The following MED16 variants were observed in gnomAD, a reference collection of about 807,000 sequenced individuals.
MED16 encodes the protein mediator complex subunit 16.
In MED16, 81 loss-of-function variants were observed where a neutral mutation model predicts 84.4. The observed-to-expected ratio is 0.96, with a 90% CI of 0.80 to 1.15. MED16 has a LOEUF of 1.15. MED16 is among the 50% of genes most tolerant of loss of function. The pLI is 0.00. For missense variants in MED16, 1,585 were observed against 1,245.9 expected, an observed-to-expected ratio of 1.27 and a Z score of -4.10; for synonymous variants, 897 against 552.2, an observed-to-expected ratio of 1.62 and a Z score of -8.76.
At chr19:877,635 C>A (rs1034115340) in intron 8 of MED16, among the ~76,000 whole-genome samples, 4 of 101,898 alleles carry the variant, frequency 3.9e-5, no homozygotes, top group East Asian at 2.0e-4. Flanking sequence ...CTCCCTCTGG[C>A]ACCCTCCCAG....
At chr19:889,050 G>GC (rs2036579014) in intron 4 of MED16, among the ~76,000 whole-genome samples, 4 of 116,816 alleles carry the variant, frequency 3.4e-5, no homozygotes, top group Non-Finnish European at 5.5e-5. Context: ...ACTCTTAACT[G>GC]TCCCCCCCAA....
intron 8 of MED16, among the ~76,000 whole-genome samples, chr19:877,848 A>G (rs1365892937): frequency 1.4e-4 from 19 of 134,766 alleles, no homozygotes; most frequent in Non-Finnish European, 2.9e-4. Flanking sequence ...CACCAAGCCC[A>G]GCCCCACATG....
Position 880,055 on chromosome 19 carries a change from C to G in MED16, c.1235G>C (p.Arg412Thr). 1.2e-6 allele frequency: 2 copies of G among 1,611,292 alleles called. No homozygotes were observed. Among genetic ancestry groups the G allele is most frequent in the Non-Finnish European group, 1.7e-6 (2 of 1,179,400 alleles). Residue 412 changes from arginine (R) to threonine (T), a missense_variant, in exon 8 of 16, where the codon AGG becomes ACG. Physicochemically the swap from Arg to Thr is moderately conservative, Grantham distance 71 (BLOSUM62 -1). Coordinates refer to ENST00000325464, the MANE Select transcript of MED16 (RefSeq NM_005481.3). ...CTTCATGGCCGGCTCATCCACAGGC[C>G]TCGGGGCCGCGGAGCTGTAGAAGAC... Reference protein sequence around the residue: ...MAVFYSSAAPRPVDEPAMKRP... With the variant: ...MAVFYSSAAPTPVDEPAMKRP...
At chr19:878,797 C>G (rs1377801983) in intron 8 of MED16, among the ~76,000 whole-genome samples, 1 of 150,352 alleles carries the variant, frequency 6.7e-6, no homozygotes, top group Non-Finnish European at 1.5e-5. Flanking sequence ...CCACCAGCCC[C>G]AGCCCCACGT....
At chr19:885,137 C>T (rs1198031306) in intron 5 of MED16, 129 bp from the exon 6 acceptor site, 13 of 672,744 alleles carry the variant, frequency 1.9e-5, no homozygotes, top group East Asian at 2.7e-5. Flanking sequence ...GCCTGCCCCT[C>T]GGGCCCTCCT....
At chr19:884,182 C>T (rs1007586715) in intron 6 of MED16, among the ~76,000 whole-genome samples, 1 of 152,196 alleles carries the variant, frequency 6.6e-6, no homozygotes, top group African/African-American at 2.4e-5. Flanking sequence ...ACCGGGAAAA[C>T]ATCTCCCTTC....
rs575501816 is a variant in MED16 at position 877,225 on chromosome 19, C to T, written c.1354-45G>A. 1.5e-4 allele frequency: 229 copies of T among 1,552,248 alleles called. 2 individuals are homozygous for T. In the South Asian group the frequency reaches 1.5e-3, roughly 10 times the overall value. The stretch of plus-strand genomic sequence containing the variant: ...AGGAGAGCCCGGTGAGATGGGGCTG[C>T]GCCCTCAGCCGGGAGAGGAATGGGG... On this transcript the variant is annotated intron_variant, in intron 8 of 15. Coordinates refer to ENST00000325464, the MANE Select transcript of MED16 (RefSeq NM_005481.3).
chr19:876,089 C>G (rs2036222657), intron 9 of MED16, among the ~76,000 whole-genome samples: 1 of 152,212 alleles, frequency 6.6e-6, no homozygotes, highest in South Asian at 2.1e-4. Flanking sequence ...CCTCGCAGCC[C>G]CCGCCTGGGT....
At chr19:868,779 T>C in intron 14 of MED16, 84 bp downstream of exon 14, 1 of 1,407,938 alleles carries the variant, frequency 7.1e-7, no homozygotes, top group Non-Finnish European at 9.6e-7. Flanking sequence ...CTTGACCGTC[T>C]GGAGCGCTGG....
At chr19:888,158 C>T (rs983366599) in intron 4 of MED16, among the ~76,000 whole-genome samples, 3 of 151,548 alleles carry the variant, frequency 2.0e-5, no homozygotes, top group African/African-American at 4.9e-5. Flanking sequence ...GAGCCGAGAT[C>T]GCGCCACTAC....
chr19:873,426 C>T lies in MED16; in HGVS notation c.1905+23G>A, dbSNP rs374612868. On this transcript the variant is annotated intron_variant, in intron 11 of 15. Transcript: ENST00000325464. ...ATGGGGGCCCAGGTGGGGGGCGGGG[C>T]CTTAGGGGAGAGCATGGCGCACCTG... 9.0e-4 allele frequency: 1,436 copies of T among 1,601,220 alleles called. 1 individual carries two copies. The highest frequency in any genetic ancestry group is 8.2e-4 in the Non-Finnish European group (968 of 1,178,798).
At chr19:870,590 G>A (rs997498117) in intron 13 of MED16, among the ~76,000 whole-genome samples, 12 of 151,332 alleles carry the variant, frequency 7.9e-5, no homozygotes, top group African/African-American at 2.2e-4. Context: ...AAAAGGGAGA[G>A]GGTGAATGGA....
chr19:885,235 C>G (rs1487888223), intron 5 of MED16, among the ~76,000 whole-genome samples: 1 of 152,194 alleles, frequency 6.6e-6, no homozygotes, highest in East Asian at 1.9e-4. Context: ...ACAGGGACAG[C>G]AAAGGGACAC....
chr19:874,779 G>C (rs10425219), intron 10 of MED16, among the ~76,000 whole-genome samples: 1,604 of 149,208 alleles, frequency 0.011, 25 homozygotes, highest in African/African-American at 0.036. Flanking sequence ...AGGCTGAGGC[G>C]AGATTGCTTG....
intron 1 of MED16, among the ~76,000 whole-genome samples, chr19:892,001 T>G (rs1599349298): frequency 7.9e-6 from 1 of 126,484 alleles, no homozygotes; most frequent in Admixed American, 7.9e-5. Flanking sequence ...CGGGGCTGAG[T>G]GTGACGGGGA....
In MED16 at chr19:868,168, T is replaced by C. The variant is rs1289126356; in HGVS notation, c.2567A>G (p.Gln856Arg). The C allele has an allele frequency of 1.2e-6, 2 of 1,611,180 alleles. No homozygotes were observed. The highest frequency in any genetic ancestry group is 3.3e-5 in the Admixed American group (2 of 59,754). The change falls in exon 16 of 16, where the codon CAG becomes CGG. Residue 856 changes from glutamine (Q) to arginine (R), a missense_variant. By Grantham distance (43) the Gln-to-Arg change is conservative. Transcript: ENST00000325464. ...GGTCCTGGGAGAGTGGTGTGTGGACTGCGGGCCCAGCTGGACAAAGGCAGG... is the reference window on the plus strand; with the variant it reads ...GGTCCTGGGAGAGTGGTGTGTGGACCGCGGGCCCAGCTGGACAAAGGCAGG... ...EAPAFVQLGP[Q>R]STHHSPRTPR... is the part of the protein sequence containing the mutation.
chr19:884,772 C>A (rs926184963), intron 6 of MED16, 131 bp downstream of exon 6: 2 of 682,090 alleles, frequency 2.9e-6, no homozygotes, highest in East Asian at 5.4e-5. Flanking sequence ...TACTGGAGAT[C>A]GAGGCGAGAC....
At chr19:881,925 C>G (rs1288932935) in intron 6 of MED16, among the ~76,000 whole-genome samples, 1 of 152,184 alleles carries the variant, frequency 6.6e-6, no homozygotes, top group African/African-American at 2.4e-5. Context: ...GCACGTGACC[C>G]AAGGTGGGCC....
At chr19:869,041 G>A (rs2035985399) in intron 13 of MED16, 95 bp from the exon 14 acceptor site, 1 of 1,105,648 alleles carries the variant, frequency 9.0e-7, no homozygotes, top group Non-Finnish European at 1.3e-6. Context: ...GGAGGGAATG[G>A]CCGGCCTCAC....
Sources: gnomAD v4.1 joint callset for allele counts (sites outside exome capture counted in the v4.1 genomes callset) on GRCh38, gnomAD v4.1.1 for gene constraint, MANE v1.5 for transcripts, NCBI Gene and HGNC (gene_info 2026-07-23, HGNC 2026-07-21) for gene names.